YPEL2: variants seen among roughly 807,000 people sequenced by gnomAD.
The protein encoded by YPEL2 is protein yippee-like 2.
A neutral mutation model predicts 19.1 loss-of-function variants in YPEL2; 2 were observed. The observed-to-expected ratio is 0.10, with a 90% confidence interval of 0.04 to 0.33. YPEL2 has a LOEUF of 0.33. YPEL2 is among the 10% of genes least tolerant of loss of function. The pLI is 1.00. For missense variants in YPEL2, 66 were observed against 140.7 expected (o/e 0.47, Z 2.68); for synonymous variants, 52 against 50.0 (o/e 1.04, Z -0.17).
At chr17:59,334,411 G>T (rs751926821) in intron 1 of YPEL2, among the ~76,000 whole-genome samples, 23 of 151,066 alleles carry the variant, frequency 1.5e-4, no homozygotes, top group Non-Finnish European at 2.5e-4. Flanking sequence ...GAGGAGTCAG[G>T]AGTTTGTCTA....
intron 2 of YPEL2, among the ~76,000 whole-genome samples, chr17:59,387,019 G>T (rs1166932262): frequency 2.6e-5 from 4 of 152,124 alleles, no homozygotes; most frequent in African/African-American, 9.7e-5. Context: ...CCAGTACTTT[G>T]GGAGGCCGAG....
chr17:59,356,165 C>T (rs942441799), intron 2 of YPEL2: 16 of 152,074 alleles, frequency 1.1e-4, no homozygotes, highest in Admixed American at 9.2e-4. Flanking sequence ...ACTTAATCTC[C>T]TATGCAGTTT....
At chr17:59,358,007 C>G (rs1291498730) in intron 2 of YPEL2, among the ~76,000 whole-genome samples, 1 of 152,118 alleles carries the variant, frequency 6.6e-6, no homozygotes, top group Admixed American at 6.5e-5. Flanking sequence ...ATCTATAGGT[C>G]AGATTATCTT....
intron 1 of YPEL2, among the ~76,000 whole-genome samples, chr17:59,337,822 C>T (rs1210609129): frequency 6.6e-6 from 1 of 152,104 alleles, no homozygotes; most frequent in Admixed American, 6.6e-5. Context: ...TTCAAACAGA[C>T]AAAAAGGACT....
At chr17:59,332,113 A>G (rs2047673753) in intron 1 of YPEL2, among the ~76,000 whole-genome samples, 2 of 151,682 alleles carry the variant, frequency 1.3e-5, no homozygotes, top group South Asian at 4.2e-4. Flanking sequence ...GACGCGCGCC[A>G]GGGGCTGGGC....
intron 1 of YPEL2, among the ~76,000 whole-genome samples, chr17:59,348,500 G>A (rs1028976232): frequency 1.3e-5 from 2 of 152,220 alleles, no homozygotes; most frequent in Non-Finnish European, 2.9e-5. Context: ...GCATGGGGTG[G>A]GGGCTGGCCA....
At chr17:59,349,814 C>A (rs1484087282) in intron 1 of YPEL2, among the ~76,000 whole-genome samples, 1 of 152,190 alleles carries the variant, frequency 6.6e-6, no homozygotes, top group Non-Finnish European at 1.5e-5. Context: ...GCACACGCCA[C>A]CATGCCCGGC....
At chr17:59,390,404 A>G (rs1172135391) in intron 4 of YPEL2, among the ~76,000 whole-genome samples, 1 of 152,198 alleles carries the variant, frequency 6.6e-6, no homozygotes, top group African/African-American at 2.4e-5. Context: ...GGCCTCCCAA[A>G]GTGCTGGGAT....
intron 2 of YPEL2, chr17:59,362,539 C>A (rs1451903120): frequency 6.6e-6 from 1 of 152,124 alleles, no homozygotes; most frequent in Non-Finnish European, 1.5e-5. Flanking sequence ...AAATGTGATT[C>A]TTTCTGTGTG....
At chr17:59,379,160 T>C (rs992633201) in intron 2 of YPEL2, among the ~76,000 whole-genome samples, 11 of 152,336 alleles carry the variant, frequency 7.2e-5, no homozygotes, top group African/African-American at 2.6e-4. Context: ...ACAGCTTCTT[T>C]AAGTTGCACT....
intron 1 of YPEL2, among the ~76,000 whole-genome samples, chr17:59,345,497 G>A (rs559748134): frequency 7.2e-5 from 11 of 152,228 alleles, no homozygotes; most frequent in Non-Finnish European, 1.5e-4. Context: ...CAGTGGCCCC[G>A]TCCTGAGATT....
intron 2 of YPEL2, among the ~76,000 whole-genome samples, chr17:59,357,037 C>T (rs770701047): frequency 1.4e-4 from 21 of 152,190 alleles, no homozygotes; most frequent in South Asian, 4.1e-4. Flanking sequence ...TGTGCTATCC[C>T]AGCAACAGTC....
At chr17:59,372,990 C>T (rs979389553) in intron 2 of YPEL2, among the ~76,000 whole-genome samples, 13 of 152,204 alleles carry the variant, frequency 8.5e-5, no homozygotes, top group African/African-American at 3.1e-4. Context: ...TCTCCTGCCT[C>T]AGCCTCCTGA....
At chr17:59,378,924 G>C (rs1310468368) in intron 2 of YPEL2, among the ~76,000 whole-genome samples, 1 of 152,170 alleles carries the variant, frequency 6.6e-6, no homozygotes, top group Non-Finnish European at 1.5e-5. Context: ...AAGGTTCCTA[G>C]ACAGGTGTGT....
At chr17:59,344,268 G>A (rs1310991531) in intron 1 of YPEL2, among the ~76,000 whole-genome samples, 3 of 152,094 alleles carry the variant, frequency 2.0e-5, no homozygotes, top group Non-Finnish European at 4.4e-5. Context: ...AGAGGGTGTG[G>A]GTAAGAAGGC....
intron 1 of YPEL2, among the ~76,000 whole-genome samples, chr17:59,346,979 A>G (rs575598139): frequency 6.6e-6 from 1 of 152,356 alleles, no homozygotes; most frequent in Admixed American, 6.5e-5. Flanking sequence ...AGTTCCTGAC[A>G]CATGGTAGAC....
chr17:59,366,751 C>T (rs2047871791), intron 2 of YPEL2, among the ~76,000 whole-genome samples: 1 of 152,216 alleles, frequency 6.6e-6, no homozygotes, highest in South Asian at 2.1e-4. Context: ...CGTTAAGGTT[C>T]ATGCCAGAAA....
intron 1 of YPEL2, among the ~76,000 whole-genome samples, chr17:59,349,521 A>G (rs957979082): frequency 2.6e-5 from 4 of 151,164 alleles, no homozygotes; most frequent in African/African-American, 9.7e-5. Context: ...TAATTTTTGT[A>G]TTTTTAGTGG....
intron 2 of YPEL2, among the ~76,000 whole-genome samples, chr17:59,386,011 A>G (rs564313590): frequency 2.6e-5 from 4 of 152,338 alleles, no homozygotes; most frequent in African/African-American, 4.8e-5. Flanking sequence ...ATTTCAATCC[A>G]GGATGCTAGT....
Sources: allele counts gnomAD v4.1 joint callset (sites outside exome capture counted in the v4.1 genomes callset), GRCh38; gene constraint gnomAD v4.1.1; transcripts MANE v1.5; gene names NCBI Gene and HGNC (gene_info 2026-07-23, HGNC 2026-07-21).